The following SHISA9 variants were observed in gnomAD, a reference collection of about 807,000 sequenced individuals.
SHISA9 encodes the protein protein shisa-9.
SHISA9 carries 13 observed loss-of-function variants against 38.0 expected under a neutral mutation model. The ratio of observed to expected loss-of-function variants is 0.34; its 90% CI spans 0.22 to 0.54. The LOEUF (loss-of-function observed/expected upper bound fraction) is 0.54. Among genes scored for constraint, SHISA9 ranks in the 20% least tolerant of loss-of-function variants. SHISA9 has a pLI of 0.91. For synonymous variants in SHISA9, 275 were observed against 242.0 expected (o/e 1.14, Z -1.27); for missense variants, 538 against 575.8 (o/e 0.93, Z 0.67).
At chr16:13,492,336 G>T in the SHISA9 span, among the ~76,000 whole-genome samples, 1 of 152,182 alleles carries the variant, frequency 6.6e-6, no homozygotes, top group Non-Finnish European at 1.5e-5. Context: ...TCCTAAACAG[G>T]TGAGGTTAAC....
At chr16:13,100,084 C>G (rs1232883942) in intron 2 of SHISA9, among the ~76,000 whole-genome samples, 1 of 152,218 alleles carries the variant, frequency 6.6e-6, no homozygotes, top group Non-Finnish European at 1.5e-5. Context: ...TTACCTCCAG[C>G]CAGTGGCTGT....
At chr16:13,024,335 A>T (rs1043962974) in intron 2 of SHISA9, among the ~76,000 whole-genome samples, 1 of 152,224 alleles carries the variant, frequency 6.6e-6, no homozygotes, top group African/African-American at 2.4e-5. Flanking sequence ...GGCTTCCAAC[A>T]GCCTGGTGCT....
chr16:13,099,488 C>G (rs2073858066), intron 2 of SHISA9, among the ~76,000 whole-genome samples: 2 of 152,016 alleles, frequency 1.3e-5, no homozygotes, highest in South Asian at 4.1e-4. Flanking sequence ...AATTGTGGTT[C>G]TGGGCCAACA....
chr16:12,960,918 A>G (rs1476769813), intron 2 of SHISA9, among the ~76,000 whole-genome samples: 1 of 152,082 alleles, frequency 6.6e-6, no homozygotes, highest in Non-Finnish European at 1.5e-5. Flanking sequence ...ATTAAAGTGA[A>G]CACGTTTCCT....
chr16:13,206,964 AC>A lies in SHISA9; in HGVS notation c.847+3416del, dbSNP rs574059306. Among the ~76,000 whole-genome samples the A allele has an allele frequency of 1.9e-3, 290 of 152,352 alleles. 1 individual carries two copies. Among genetic ancestry groups the A allele is most frequent in the African/African-American group, 6.8e-3 (282 of 41,594 alleles). On this transcript the variant is annotated intron_variant, in intron 3 of 4. Coordinates refer to ENST00000558583, the MANE Select transcript of SHISA9 (RefSeq NM_001145204.3). ...GCCTTCATATGCTATTTGGTGGCCC[AC>A]TTCCCTTTCTGAGCCTCGCAGTTAG...
At chr16:13,555,830 C>A in the SHISA9 span, among the ~76,000 whole-genome samples, 1 of 152,102 alleles carries the variant, frequency 6.6e-6, no homozygotes. Context: ...AATAACTATC[C>A]ACCTCTCAGC....
At chr16:13,457,838 A>G in the SHISA9 span, among the ~76,000 whole-genome samples, 6 of 152,102 alleles carry the variant, frequency 3.9e-5, no homozygotes, top group African/African-American at 2.4e-5. Flanking sequence ...GAATAATCAC[A>G]TATGAGAAAT....
At chr16:13,223,271 A>C (rs2051246869) in intron 4 of SHISA9, among the ~76,000 whole-genome samples, 1 of 152,074 alleles carries the variant, frequency 6.6e-6, no homozygotes, top group African/African-American at 2.4e-5. Context: ...CTACAAAAAT[A>C]AAAACAAAAA....
the SHISA9 span, among the ~76,000 whole-genome samples, chr16:13,432,001 C>T: frequency 2.0e-5 from 3 of 152,196 alleles, no homozygotes; most frequent in Non-Finnish European, 4.4e-5. Flanking sequence ...GCAGAGGTTG[C>T]AGTGAGCTGA....
At chr16:13,416,778 A>G in the SHISA9 span, among the ~76,000 whole-genome samples, 301 of 121,552 alleles carry the variant, frequency 2.5e-3, 2 homozygotes, top group East Asian at 3.1e-3. Flanking sequence ...AAGGAAGGGA[A>G]GGAAGGAAGG....
At chr16:12,954,048 T>G (rs1315708053) in intron 2 of SHISA9, among the ~76,000 whole-genome samples, 1 of 151,782 alleles carries the variant, frequency 6.6e-6, no homozygotes, top group Non-Finnish European at 1.5e-5. Context: ...AGACACAGAG[T>G]CAAACCATAA....
rs1265391167 is a variant in SHISA9 at position 13,236,796 on chromosome 16, C to T, written c.*1387C>T. 1 of 152,194 alleles carries T rather than the reference C, an allele frequency of 6.6e-6. No individual in the cohort carries two copies. Among genetic ancestry groups the T allele is most frequent in the Non-Finnish European group, 1.5e-5 (1 of 68,052 alleles). 9.4% of individuals were successfully genotyped at this position (152,194 alleles called of 1,614,324 possible). A position where few individuals can be genotyped will look rare whatever the true frequency, so the allele number is the denominator to read the frequency against. ...AAATTAGTCCTTCCATTTTCTAGCC[C>T]TCTCAAACCTGTCAGATGTTTCTTG... On this transcript the variant is annotated 3_prime_UTR_variant, in exon 5 of 5. Coordinates refer to ENST00000558583, the MANE Select transcript of SHISA9 (RefSeq NM_001145204.3).
At chr16:13,097,216 A>T (rs2073836752) in intron 2 of SHISA9, among the ~76,000 whole-genome samples, 1 of 152,078 alleles carries the variant, frequency 6.6e-6, no homozygotes, top group African/African-American at 2.4e-5. Flanking sequence ...TTCATGTTAC[A>T]TTGGGAGGAA....
the SHISA9 span, among the ~76,000 whole-genome samples, chr16:13,465,352 C>T: frequency 2.6e-5 from 4 of 152,110 alleles, no homozygotes; most frequent in East Asian, 1.9e-4. Flanking sequence ...TGAAGTTGAA[C>T]GTGGGGCAGG....
chr16:13,236,314 C>G lies in SHISA9; in HGVS notation c.*905C>G, dbSNP rs28533094. 1.0e-5 allele frequency: 1 copy of G among 95,502 alleles called. No individual in the cohort carries two copies. The allele number at this position is 95,502 out of a possible 1,614,324, so 5.9% of individuals were successfully genotyped here. On this transcript the variant is annotated 3_prime_UTR_variant, in exon 5 of 5. Coordinates refer to ENST00000558583, the MANE Select transcript of SHISA9 (RefSeq NM_001145204.3). ...GGCAAATTAGGTGTTTTTTTTTTTT[C>G]AAAAATCTTGAAGACTTGTTGACAT...
chr16:13,533,853 G>T, the SHISA9 span, among the ~76,000 whole-genome samples: 2 of 145,328 alleles, frequency 1.4e-5, no homozygotes, highest in East Asian at 2.1e-4. Flanking sequence ...GCGCGATCTC[G>T]GCTCACTGCA....
intron 2 of SHISA9, among the ~76,000 whole-genome samples, chr16:12,997,958 G>A (rs2072479169): frequency 6.6e-6 from 1 of 152,202 alleles, no homozygotes; most frequent in South Asian, 2.1e-4. Flanking sequence ...TACACGGCGT[G>A]TAATAGGATA....
At chr16:13,284,444 G>A in the SHISA9 span, among the ~76,000 whole-genome samples, 1 of 152,154 alleles carries the variant, frequency 6.6e-6, no homozygotes, top group African/African-American at 2.4e-5. Flanking sequence ...ATATTTAGAT[G>A]TAGTGCTTGT....
At chr16:13,242,471 G>A (rs986623524), downstream of SHISA9, among the ~76,000 whole-genome samples, 3 of 152,150 alleles carry the variant, frequency 2.0e-5, 1 homozygote, top group South Asian at 4.1e-4. Context: ...ATCATCCCAA[G>A]GACTATGAGA....
Sources: gnomAD v4.1 joint callset for allele counts (sites outside exome capture counted in the v4.1 genomes callset) on GRCh38, gnomAD v4.1.1 for gene constraint, MANE v1.5 for transcripts, NCBI Gene and HGNC (gene_info 2026-07-23, HGNC 2026-07-21) for gene names.